RIOK3: variants seen among roughly 807,000 people sequenced by gnomAD.
RIOK3 encodes the protein serine/threonine-protein kinase RIO3.
RIOK3 carries 40 observed loss-of-function variants against 63.5 expected under a neutral mutation model. That is an observed-to-expected ratio of 0.63 (90% confidence interval 0.49 to 0.82). The LOEUF is 0.82. RIOK3 is among the 40% of genes least tolerant of loss of function. The probability of loss-of-function intolerance (pLI) is 0.00; values close to 1 mark genes in which losing one functional copy is unlikely to be tolerated. For synonymous variants in RIOK3, 193 were observed against 205.0 expected (o/e 0.94, Z 0.50); for missense variants, 557 against 637.0 (o/e 0.87, Z 1.35).
At chr18:23,477,871 A>G (rs2057503699) in intron 11 of RIOK3, among the ~76,000 whole-genome samples, 1 of 151,912 alleles carries the variant, frequency 6.6e-6, no homozygotes, top group Non-Finnish European at 1.5e-5. Context: ...GGAGTTCAAG[A>G]CCAGCCCGGC....
chr18:23,459,338 A>G (rs1255060426), intron 1 of RIOK3, among the ~76,000 whole-genome samples: 20 of 152,180 alleles, frequency 1.3e-4, no homozygotes, highest in Admixed American at 1.3e-3. Flanking sequence ...CAATCACTCC[A>G]GTGTTTTCTT....
intron 7 of RIOK3, among the ~76,000 whole-genome samples, chr18:23,472,042 G>A (rs1192689804): frequency 2.0e-5 from 3 of 152,052 alleles, no homozygotes; most frequent in Non-Finnish European, 4.4e-5. Context: ...AGACCAGCCT[G>A]GCCAACATGG....
At chr18:23,463,362 A>G (rs1319856979) in intron 2 of RIOK3, 2 of 233,998 alleles carry the variant, frequency 8.5e-6, no homozygotes, top group Non-Finnish European at 1.6e-5. Context: ...CTTTTCATGA[A>G]TATGTATCTA....
At chr18:23,479,568 G>GT in intron 12 of RIOK3, 144 bp downstream of exon 12, 3 of 552,106 alleles carry the variant, frequency 5.4e-6, no homozygotes, top group East Asian at 6.0e-5. Flanking sequence ...GATGTTTTTG[G>GT]TTTTTTCTTT....
At chr18:23,458,507 A>G (rs2057354897) in intron 1 of RIOK3, among the ~76,000 whole-genome samples, 1 of 152,236 alleles carries the variant, frequency 6.6e-6, no homozygotes. Flanking sequence ...CCTTTGAAGT[A>G]GAATCGCTGA....
At chr18:23,464,438 A>C in intron 4 of RIOK3, 81 bp from the exon 5 acceptor site, 1 of 1,187,004 alleles carries the variant, frequency 8.4e-7, no homozygotes, top group Non-Finnish European at 1.2e-6. Context: ...CTTAGATTCA[A>C]ATGTCTTTTC....
rs758931038 is a variant in RIOK3, at chr18:23,466,293, T to C, written c.687+17T>C. 2 of 1,462,726 alleles carry C rather than the reference T, an allele frequency of 1.4e-6. No homozygotes were observed. Among genetic ancestry groups the C allele is most frequent in the Admixed American group, 5.8e-5 (2 of 34,318 alleles). The allele number at this position is 1,462,726 out of a possible 1,614,324, so 90.6% of individuals were successfully genotyped here. Reference sequence around the variant, plus strand: ...TCTACAGCAGTAAGGATTTATAGATTTTTTTTTTTCTTTTTTACTAGAAAG... The same window carrying C: ...TCTACAGCAGTAAGGATTTATAGATCTTTTTTTTTCTTTTTTACTAGAAAG... On this transcript the variant is annotated intron_variant, in intron 6 of 12. Coordinates refer to ENST00000339486, the MANE Select transcript of RIOK3 (RefSeq NM_003831.5).
Position 23,453,302 on chromosome 18 carries a change from C to G in RIOK3, c.-138C>G, listed in dbSNP as rs549315255. 4.1e-6 allele frequency: 3 copies of G among 724,372 alleles called. No homozygotes were observed. Among genetic ancestry groups the G allele is most frequent in the Non-Finnish European group, 7.3e-6 (3 of 409,512 alleles). 44.9% of individuals were successfully genotyped at this position (724,372 alleles called of 1,614,324 possible). A position where few individuals can be genotyped will look rare whatever the true frequency, so the allele number is the denominator to read the frequency against. ...GGAGAGATCCAGTTCCGGACGCGGC[C>G]GCCGCCGTCGCCGCCATCTGTCACC... On this transcript the variant is annotated 5_prime_UTR_variant, in exon 1 of 13. Coordinates refer to ENST00000339486, the MANE Select transcript of RIOK3 (RefSeq NM_003831.5).
At chr18:23,456,405 T>C (rs1389053793) in intron 1 of RIOK3, 4 of 152,204 alleles carry the variant, frequency 2.6e-5, no homozygotes, top group African/African-American at 4.8e-5. Flanking sequence ...TCAGAACTTA[T>C]TAACATTAGT....
intron 1 of RIOK3, among the ~76,000 whole-genome samples, chr18:23,455,378 CTT>C (rs11305782): frequency 1.5e-4 from 21 of 138,842 alleles, no homozygotes; most frequent in African/African-American, 4.0e-4. Context: ...CAACGTCTTT[CTT>C]TTTTTTTTTT....
chr18:23,469,251 C>G (rs1036629078), intron 7 of RIOK3, among the ~76,000 whole-genome samples: 2 of 150,366 alleles, frequency 1.3e-5, no homozygotes, highest in Non-Finnish European at 3.0e-5. Context: ...GGTGTGCACA[C>G]CAAGGGGGCT....
chr18:23,462,476 T>C (rs2057378601), intron 1 of RIOK3, among the ~76,000 whole-genome samples: 1 of 152,228 alleles, frequency 6.6e-6, no homozygotes, highest in Non-Finnish European at 1.5e-5. Flanking sequence ...CCTAAGATGT[T>C]TTGAGAGGGG....
At chr18:23,461,098 C>T (rs1037894383) in intron 1 of RIOK3, among the ~76,000 whole-genome samples, 2 of 152,184 alleles carry the variant, frequency 1.3e-5, no homozygotes, top group African/African-American at 4.8e-5. Flanking sequence ...GTGCTCCACC[C>T]AAACAGCCTG....
intron 7 of RIOK3, among the ~76,000 whole-genome samples, chr18:23,467,975 G>A (rs954778054): frequency 5.3e-5 from 8 of 151,590 alleles, no homozygotes; most frequent in African/African-American, 1.7e-4. Flanking sequence ...ACAGGGTTTC[G>A]CCATGTTGGC....
intron 5 of RIOK3, among the ~76,000 whole-genome samples, chr18:23,465,375 A>C (rs555044609): frequency 3.3e-5 from 5 of 152,332 alleles, no homozygotes; most frequent in South Asian, 2.1e-4. Flanking sequence ...CTGCCTCAAA[A>C]AAACAAACAA....
chr18:23,474,824 C>A (rs1256392938), intron 8 of RIOK3, 124 bp from the exon 9 acceptor site: 3 of 677,790 alleles, frequency 4.4e-6, no homozygotes, highest in East Asian at 2.7e-5. Context: ...TCTTTGTATT[C>A]CCACATCACC....
At chr18:23,476,888 G>A in intron 9 of RIOK3, 118 bp from the exon 10 acceptor site, 1 of 747,318 alleles carries the variant, frequency 1.3e-6, no homozygotes, top group South Asian at 1.7e-5. Flanking sequence ...CTCCAGCCTG[G>A]GCGACAGAGT....
At chr18:23,475,744 C>T (rs1352415158) in intron 9 of RIOK3, among the ~76,000 whole-genome samples, 1 of 152,094 alleles carries the variant, frequency 6.6e-6, no homozygotes, top group Non-Finnish European at 1.5e-5. Context: ...AGTTGTTTTT[C>T]TATCAATATG....
chr18:23,480,518 C>T (rs1216893558), intron 12 of RIOK3, among the ~76,000 whole-genome samples: 2 of 146,698 alleles, frequency 1.4e-5, no homozygotes, highest in African/African-American at 5.0e-5. Flanking sequence ...AAAAAAAATA[C>T]ATGTATGTAT....
Sources: gnomAD v4.1 joint callset for allele counts (sites outside exome capture counted in the v4.1 genomes callset) on GRCh38, gnomAD v4.1.1 for gene constraint, MANE v1.5 for transcripts, NCBI Gene and HGNC (gene_info 2026-07-23, HGNC 2026-07-21) for gene names.